Variants in DLGAP2 observed in about 807,000 individuals in gnomAD.
DLGAP2 encodes DLG associated protein 2.
In DLGAP2, 26 loss-of-function variants were observed where a neutral mutation model predicts 100.3. That is an observed-to-expected ratio of 0.26 (90% CI 0.19 to 0.36). The LOEUF (loss-of-function observed/expected upper bound fraction) is 0.36, where lower values mean the gene tolerates loss of function less well. Among genes scored for constraint, DLGAP2 ranks in the 10% least tolerant of loss-of-function variants. The pLI is 1.00. For missense variants in DLGAP2, 1,858 were observed against 1,453.2 expected, an observed-to-expected ratio of 1.28 and a Z score of -4.53; for synonymous variants, 886 against 630.1, an observed-to-expected ratio of 1.41 and a Z score of -6.08.
chr8:1,318,926 C>T (rs559756303), intron 3 of DLGAP2, among the ~76,000 whole-genome samples: 1 of 152,164 alleles, frequency 6.6e-6, no homozygotes, highest in East Asian at 1.9e-4. Flanking sequence ...AGGATTAACT[C>T]AAAACGCTCA....
intron 2 of DLGAP2, among the ~76,000 whole-genome samples, chr8:1,108,776 A>G (rs1468427154): frequency 6.9e-5 from 8 of 116,068 alleles, no homozygotes; most frequent in African/African-American, 1.7e-4. Context: ...GCACGTGCCT[A>G]TGAAGTGTGC....
intron 1 of DLGAP2, among the ~76,000 whole-genome samples, chr8:757,861 G>C (rs1257795048): frequency 6.6e-6 from 1 of 152,134 alleles, no homozygotes; most frequent in Non-Finnish European, 1.5e-5. Context: ...ACAGGAATCG[G>C]GGCACGTGTA....
intron 2 of DLGAP2, among the ~76,000 whole-genome samples, chr8:1,167,580 G>T (rs62487548): frequency 0.19 from 28,450 of 152,158 alleles, 2,860 homozygotes; most frequent in Middle Eastern, 0.34. Context: ...ATCATAAGTG[G>T]CCCACATTGA....
intron 1 of DLGAP2, among the ~76,000 whole-genome samples, chr8:890,705 T>C (rs1798017386): frequency 6.6e-6 from 1 of 152,010 alleles, no homozygotes; most frequent in Non-Finnish European, 1.5e-5. Context: ...AGATGCAGAT[T>C]CAATGTTGTC....
intron 2 of DLGAP2, among the ~76,000 whole-genome samples, chr8:1,155,074 CCACTGCCTTCGTCGG>C (rs1796756890): frequency 6.6e-6 from 1 of 152,200 alleles, no homozygotes; most frequent in South Asian, 2.1e-4. Context: ...CTCACCCTGG[CCACTGCCTTCGTCGG>C]AGGGGCCGTC....
chr8:1,210,215 C>T (rs549777932), intron 2 of DLGAP2, among the ~76,000 whole-genome samples: 3 of 152,240 alleles, frequency 2.0e-5, no homozygotes, highest in Middle Eastern at 3.4e-3. Flanking sequence ...GGGTCCCATC[C>T]GTCCAGGGCT....
At chr8:1,226,952 G>T (rs534945631) in intron 2 of DLGAP2, among the ~76,000 whole-genome samples, 8 of 151,656 alleles carry the variant, frequency 5.3e-5, no homozygotes, top group Non-Finnish European at 1.0e-4. Flanking sequence ...CAGTATCGAC[G>T]TTCCTAAGGA....
chr8:1,638,563 G>T (rs531684272), intron 8 of DLGAP2, among the ~76,000 whole-genome samples: 1 of 152,312 alleles, frequency 6.6e-6, no homozygotes, highest in African/African-American at 2.4e-5. Flanking sequence ...GCACGGAGAA[G>T]ACAGCTCCTC....
At chr8:785,560 C>T (rs1406517024) in intron 1 of DLGAP2, among the ~76,000 whole-genome samples, 1 of 144,902 alleles carries the variant, frequency 6.9e-6, no homozygotes, top group African/African-American at 2.6e-5. Context: ...TCTCTGAGAC[C>T]GGCCTCCCTC....
chr8:1,004,589 T>G (rs573330624), intron 2 of DLGAP2, among the ~76,000 whole-genome samples: 1 of 152,296 alleles, frequency 6.6e-6, no homozygotes, highest in African/African-American at 2.4e-5. Flanking sequence ...GTATAGTGCC[T>G]GTGAAGGGAT....
intron 4 of DLGAP2, among the ~76,000 whole-genome samples, chr8:1,538,240 C>A (rs554539488): frequency 6.6e-6 from 1 of 152,144 alleles, no homozygotes; most frequent in Non-Finnish European, 1.5e-5. Context: ...CTATCTGCAT[C>A]CACCCAAATA....
At chr8:1,473,986 C>G (rs546910597) in intron 3 of DLGAP2, among the ~76,000 whole-genome samples, 6 of 152,290 alleles carry the variant, frequency 3.9e-5, no homozygotes, top group Non-Finnish European at 8.8e-5. Context: ...TGAAAACAGA[C>G]TAATACATGA....
At chr8:1,364,018 C>G (rs377716596) in intron 3 of DLGAP2, among the ~76,000 whole-genome samples, 2 of 152,174 alleles carry the variant, frequency 1.3e-5, no homozygotes, top group East Asian at 3.9e-4. Context: ...AGGTGGTACC[C>G]CTCACTGATC....
intron 3 of DLGAP2, among the ~76,000 whole-genome samples, chr8:1,413,027 A>G (rs1343518514): frequency 6.6e-6 from 1 of 152,064 alleles, no homozygotes; most frequent in Non-Finnish European, 1.5e-5. Flanking sequence ...ACCCAGCTCA[A>G]GTGTCCCCTC....
At chr8:1,284,575 C>T (rs1265446619) in intron 3 of DLGAP2, among the ~76,000 whole-genome samples, 3 of 152,152 alleles carry the variant, frequency 2.0e-5, no homozygotes, top group African/African-American at 7.2e-5. Flanking sequence ...TTTTATTGCT[C>T]TTCTGTCCAT....
intron 3 of DLGAP2, among the ~76,000 whole-genome samples, chr8:1,268,457 A>G (rs931646654): frequency 6.6e-6 from 1 of 152,240 alleles, no homozygotes; most frequent in African/African-American, 2.4e-5. Flanking sequence ...GAGAAATTTA[A>G]TGTGGGATAG....
At chr8:1,578,052 A>G (rs1227701486) in intron 6 of DLGAP2, among the ~76,000 whole-genome samples, 1 of 152,226 alleles carries the variant, frequency 6.6e-6, no homozygotes, top group Non-Finnish European at 1.5e-5. Flanking sequence ...AAAATTGGTG[A>G]TTCTATAATT....
intron 3 of DLGAP2, among the ~76,000 whole-genome samples, chr8:1,303,628 C>T (rs1339402762): frequency 2.0e-5 from 3 of 152,078 alleles, no homozygotes; most frequent in Non-Finnish European, 4.4e-5. Context: ...GTCCTCCATC[C>T]ATGCCTCTGA....
intron 10 of DLGAP2, among the ~76,000 whole-genome samples, chr8:1,675,237 G>A (rs1251236886): frequency 2.0e-5 from 3 of 152,308 alleles, no homozygotes; most frequent in East Asian, 3.9e-4. Flanking sequence ...GGGTTTTCTC[G>A]CGCTCTGTCT....
Sources: allele counts gnomAD v4.1 joint callset (sites outside exome capture counted in the v4.1 genomes callset), GRCh38; gene constraint gnomAD v4.1.1; transcripts MANE v1.5; gene names NCBI Gene and HGNC (gene_info 2026-07-23, HGNC 2026-07-21).